The following CPZ variants were observed in gnomAD, a reference collection of about 807,000 sequenced individuals.
CPZ encodes VEZT/CPZ fusion.
A neutral mutation model predicts 61.8 loss-of-function variants in CPZ; 103 were observed. The ratio of observed to expected loss-of-function variants is 1.67; its 90% CI spans 1.42 to 1.96. The LOEUF is 1.96. Ranked by LOEUF, CPZ falls within the 30% of genes most tolerant of loss-of-function variation. CPZ has a pLI of 0.00. For synonymous variants in CPZ, 551 were observed against 373.7 expected (o/e 1.47, Z -5.47); for missense variants, 1,461 against 914.9 (o/e 1.60, Z -7.70).
At chr4:8,611,994 C>T (rs780731148) in intron 7 of CPZ, 33 bp from the exon 8 acceptor site, 20 of 1,613,216 alleles carry the variant, frequency 1.2e-5, no homozygotes, top group South Asian at 1.2e-4. Flanking sequence ...TGCAGGGGAC[C>T]CTTTCCTTAT....
chr4:8,613,707 C>T (rs1255268390), intron 8 of CPZ, among the ~76,000 whole-genome samples: 1 of 152,198 alleles, frequency 6.6e-6, no homozygotes, highest in Non-Finnish European at 1.5e-5. Flanking sequence ...GCAGATGGCA[C>T]AGAGGGCAGA....
rs185470550 is a variant in CPZ at position 8,603,820 on chromosome 4, A to C, written c.497-156A>C. On this transcript the variant is annotated intron_variant, in intron 3 of 10. Transcript: ENST00000360986. ...TGCCGTTTGGCTTAGATATCGTTGT[A>C]GGCACTGCAGAGGGAACTCTAATTA... is the stretch of plus-strand genomic sequence containing the variant. 409 of 666,132 alleles carry C rather than the reference A, an allele frequency of 6.1e-4. 1 individual carries two copies. The African/African-American group carries it at 6.5e-3, about 11-fold the overall frequency. 41.3% of individuals were successfully genotyped at this position (666,132 alleles called of 1,614,324 possible).
chr4:8,614,440 A>C lies in CPZ; in HGVS notation c.1445A>C (p.Glu482Ala). The change falls in exon 9 of 11, where the codon GAG becomes GCG. Residue 482 changes from glutamate (E) to alanine (A), a missense_variant. By Grantham distance (107) the Glu-to-Ala change is moderately radical. Transcript: ENST00000360986. Reference protein sequence around the residue: ...ELGCVKFPPEEALYILWQHNK... With the variant: ...ELGCVKFPPEAALYILWQHNK... ...GGCTGTGTGAAGTTCCCCCCCGAGGAGGCCCTGTACATACTCTGGCAGCAC... is the reference window on the plus strand; with the variant it reads ...GGCTGTGTGAAGTTCCCCCCCGAGGCGGCCCTGTACATACTCTGGCAGCAC... 37 of 1,613,978 alleles carry C rather than the reference A, an allele frequency of 2.3e-5. No homozygotes were observed. Among genetic ancestry groups the C allele is most frequent in the Non-Finnish European group, 3.1e-5 (36 of 1,179,954 alleles).
chr4:8,604,779 C>T (rs965813838), intron 4 of CPZ, among the ~76,000 whole-genome samples: 1 of 152,250 alleles, frequency 6.6e-6, no homozygotes, highest in Non-Finnish European at 1.5e-5. Flanking sequence ...AAGCAGCCTC[C>T]ATTTGACCCT....
chr4:8,610,975 T>G (rs542141389), intron 7 of CPZ, among the ~76,000 whole-genome samples: 1 of 151,778 alleles, frequency 6.6e-6, no homozygotes, highest in Non-Finnish European at 1.5e-5. Flanking sequence ...CAATCACTCA[T>G]TCACTCAGTC....
intron 1 of CPZ, chr4:8,597,442 T>C (rs774157407): frequency 6.6e-6 from 1 of 152,250 alleles, no homozygotes; most frequent in Non-Finnish European, 1.5e-5. Context: ...ACGCTCTGTC[T>C]GGACCATGAA....
chr4:8,611,372 G>C (rs1051672032), intron 7 of CPZ: 1 of 434,752 alleles, frequency 2.3e-6, no homozygotes, highest in Non-Finnish European at 4.7e-6. Context: ...GGCTGGGAAG[G>C]GAAGCCTGTG....
chr4:8,618,411 T>G lies in CPZ; in HGVS notation c.1504-18T>G. The G allele has an allele frequency of 9.9e-6, 16 of 1,612,620 alleles. No individual in the cohort carries two copies. Among genetic ancestry groups the G allele is most frequent in the Non-Finnish European group, 1.3e-5 (15 of 1,179,008 alleles). ...GAGAGCTCACGCCATCTCCCTGGCC[T>G]CCCCTTGGTCTCTTCAGGTGCACCG... On this transcript the variant is annotated intron_variant, in intron 9 of 10. Transcript: ENST00000360986.
intron 1 of CPZ, among the ~76,000 whole-genome samples, chr4:8,599,079 A>G (rs1438494073): frequency 6.6e-6 from 1 of 152,172 alleles, no homozygotes; most frequent in Non-Finnish European, 1.5e-5. Context: ...GAAGCTTGAG[A>G]TTGGCCACAG....
At chr4:8,616,364 C>T (rs1237109131) in intron 9 of CPZ, among the ~76,000 whole-genome samples, 1 of 152,134 alleles carries the variant, frequency 6.6e-6, no homozygotes, top group African/African-American at 2.4e-5. Flanking sequence ...CCCGTGGGCC[C>T]AAGAGCAGGG....
At chr4:8,603,222 G>A (rs981381402) in intron 3 of CPZ, 17 of 152,390 alleles carry the variant, frequency 1.1e-4, no homozygotes, top group Admixed American at 9.8e-4. Flanking sequence ...CTGCTCCTGT[G>A]GGCCTGACTG....
chr4:8,615,034 G>A (rs1716046443), intron 9 of CPZ, among the ~76,000 whole-genome samples: 1 of 152,060 alleles, frequency 6.6e-6, no homozygotes, highest in Admixed American at 6.5e-5. Context: ...GCGCAGAAGT[G>A]AGGGCTCTGG....
chr4:8,597,100 C>T (rs1010856566), intron 1 of CPZ, among the ~76,000 whole-genome samples: 1 of 152,178 alleles, frequency 6.6e-6, no homozygotes, highest in Non-Finnish European at 1.5e-5. Flanking sequence ...TGTGCTGTAG[C>T]ATCTGCCTCG....
Position 8,592,770 on chromosome 4 carries a change from C to A in CPZ, c.-64C>A, listed in dbSNP as rs1713872485. 3 of 1,222,834 alleles carry A rather than the reference C, an allele frequency of 2.5e-6. No individual in the cohort carries two copies. The highest frequency in any genetic ancestry group is 3.2e-6 in the Non-Finnish European group (3 of 939,426). The allele number at this position is 1,222,834 out of a possible 1,614,324, so 75.7% of individuals were successfully genotyped here. ...GGCGGGAGCCCAGCGAGCGCAGAGC[C>A]CCGGCCCCGCGCGGCCCGAGTGCCA... On this transcript the variant is annotated 5_prime_UTR_variant, in exon 1 of 11. Transcript: ENST00000360986.
At position 8,592,860 on chromosome 4, in the gene CPZ, C is replaced by T. The variant is rs1332688569; in HGVS notation, c.27C>T (p.Leu9=). 1.3e-6 allele frequency: 2 copies of T among 1,518,790 alleles called. No individual in the cohort carries two copies. Among genetic ancestry groups the T allele is most frequent in the East Asian group, 2.6e-5 (1 of 37,740 alleles). 94.1% of individuals were successfully genotyped at this position (1,518,790 alleles called of 1,614,324 possible). Residue 9 remains leucine, a synonymous_variant, in exon 1 of 11, where the codon CTC becomes CTT. Coordinates refer to ENST00000360986, the MANE Select transcript of CPZ (RefSeq NM_001014447.3). MPPPLPLL[L]LTVLVVAAAR... ...TGCCGCCCCCGCTGCCGCTGCTGCT[C>T]CTTACAGTCCTGGTCGTCGCCGCTG...
At chr4:8,604,955 A>C (rs1235384096) in intron 4 of CPZ, among the ~76,000 whole-genome samples, 1 of 152,178 alleles carries the variant, frequency 6.6e-6, no homozygotes, top group Non-Finnish European at 1.5e-5. Context: ...CCACCTGGCC[A>C]CACCCTGGCC....
chr4:8,610,707 A>G (rs1251706322), intron 7 of CPZ, among the ~76,000 whole-genome samples: 1 of 152,206 alleles, frequency 6.6e-6, no homozygotes, highest in African/African-American at 2.4e-5. Context: ...AGGGCAGGCC[A>G]CTCCTGAGCT....
intron 1 of CPZ, among the ~76,000 whole-genome samples, chr4:8,598,557 C>T (rs1470627324): frequency 6.6e-6 from 1 of 152,224 alleles, no homozygotes; most frequent in Non-Finnish European, 1.5e-5. Flanking sequence ...GGGTCACGTC[C>T]CCTTCTCCGG....
chr4:8,618,091 A>G, intron 9 of CPZ: 1 of 314,088 alleles, frequency 3.2e-6, no homozygotes, highest in Non-Finnish European at 6.1e-6. Context: ...GGGGCTGGGA[A>G]GGCAGGGAAG....
Sources: gnomAD v4.1 joint callset for allele counts (sites outside exome capture counted in the v4.1 genomes callset) on GRCh38, gnomAD v4.1.1 for gene constraint, MANE v1.5 for transcripts, NCBI Gene and HGNC (gene_info 2026-07-23, HGNC 2026-07-21) for gene names.